Variants in PPP1R13B observed in about 807,000 individuals in gnomAD.
The protein encoded by PPP1R13B is apoptosis-stimulating of p53 protein 1.
In PPP1R13B, 44 loss-of-function variants were observed where a neutral mutation model predicts 119.8. That is an observed-to-expected ratio of 0.37 (90% CI 0.29 to 0.47). The LOEUF is 0.47. Among genes scored for constraint, PPP1R13B ranks in the 20% least tolerant of loss-of-function variants. The pLI, the probability that PPP1R13B is intolerant of heterozygous loss-of-function variation, is 0.99. For synonymous variants in PPP1R13B, 542 were observed against 561.5 expected (o/e 0.97, Z 0.49); for missense variants, 1,227 against 1,413.5 (o/e 0.87, Z 2.12).
chr14:103,765,756 TC>T (rs1432039854), intron 4 of PPP1R13B, among the ~76,000 whole-genome samples: 1 of 152,186 alleles, frequency 6.6e-6, no homozygotes, highest in Non-Finnish European at 1.5e-5. Context: ...CTGAAGTTCT[TC>T]CTGATTCTTT....
At chr14:103,797,051 C>T (rs1434312089) in intron 2 of PPP1R13B, among the ~76,000 whole-genome samples, 3 of 146,662 alleles carry the variant, frequency 2.0e-5, no homozygotes, top group Admixed American at 1.4e-4. Context: ...AGAGACAGCC[C>T]AAACATCTAT....
intron 1 of PPP1R13B, among the ~76,000 whole-genome samples, chr14:103,830,620 T>C (rs966471800): frequency 1.5e-4 from 23 of 152,192 alleles, no homozygotes; most frequent in Non-Finnish European, 4.4e-5. Flanking sequence ...TTTCCAAACA[T>C]ACAAACCAAG....
At position 103,776,168 on chromosome 14, in the gene PPP1R13B, AGGAGGGAG is replaced by A. The variant is rs1234464489; in HGVS notation, c.354+2569_354+2576del. ...AGGAAGGAAGGAAGGGAGGAAGGGA[AGGAGGGAG>A]GGAGGGAGGGAGGAAGGAAGGAAGG... On this transcript the variant is annotated intron_variant, in intron 4 of 16. Transcript: ENST00000202556. Among the ~76,000 whole-genome samples the A allele has an allele frequency of 9.7e-5, 6 of 61,610 alleles. 1 individual carries two copies. In the East Asian group the frequency reaches 1.8e-3, roughly 18 times the overall value. 40.4% of individuals were successfully genotyped at this position (61,610 alleles called of 152,430 possible).
In PPP1R13B at chr14:103,740,154, G is replaced by A. The variant is rs1253315601; in HGVS notation, c.2262C>T (p.Thr754=). The part of the protein sequence containing the change: ...QPSPSQDFMG[T]LADVDNGNTN... ...TGTTTCCATTGTCCACATCGGCCAAGGTGCCCATGAAGTCCTGGGAGGGGC... is the reference window on the plus strand; with the variant it reads ...TGTTTCCATTGTCCACATCGGCCAAAGTGCCCATGAAGTCCTGGGAGGGGC... The change falls in exon 12 of 17, where the codon ACC becomes ACT. Residue 754 remains threonine, a synonymous_variant. Coordinates refer to ENST00000202556, the MANE Select transcript of PPP1R13B (RefSeq NM_015316.3). The surrounding 1 kb of genome is among the most constrained non-coding windows in gnomAD (Gnocchi z 4.6). The A allele has an allele frequency of 1.2e-6, 2 of 1,613,684 alleles. No individual in the cohort carries two copies. Among genetic ancestry groups the A allele is most frequent in the Non-Finnish European group, 1.7e-6 (2 of 1,180,032 alleles).
intron 8 of PPP1R13B, among the ~76,000 whole-genome samples, chr14:103,747,809 A>G (rs2084425807): frequency 6.6e-6 from 1 of 152,176 alleles, no homozygotes; most frequent in South Asian, 2.1e-4. Context: ...ATAGTCTCCA[A>G]TCTGGAAGAG....
chr14:103,739,797 A>G (rs764258504), intron 12 of PPP1R13B, 27 bp downstream of exon 12: 1 of 1,564,736 alleles, frequency 6.4e-7, no homozygotes, highest in African/African-American at 1.4e-5. Context: ...CAGGAAGGCC[A>G]GGCTTTGGTC....
intron 1 of PPP1R13B, among the ~76,000 whole-genome samples, chr14:103,801,326 T>C (rs1011463919): frequency 6.6e-6 from 1 of 152,100 alleles, no homozygotes; most frequent in Non-Finnish European, 1.5e-5. Flanking sequence ...ATATATTTCT[T>C]TTTTCCCTCC....
At chr14:103,838,911 T>C (rs2152085201) in intron 1 of PPP1R13B, among the ~76,000 whole-genome samples, 1 of 152,344 alleles carries the variant, frequency 6.6e-6, no homozygotes, top group East Asian at 1.9e-4. Context: ...TCTGCACTCT[T>C]ACCTGCTACA....
At chr14:103,847,225 G>C in intron 1 of PPP1R13B, 74 bp downstream of exon 1, 1 of 1,085,852 alleles carries the variant, frequency 9.2e-7, no homozygotes, top group Non-Finnish European at 1.1e-6. Context: ...GGGGCTGGGA[G>C]CCGCGGGAGG....
rs965460298 is a variant in PPP1R13B at position 103,741,347 on chromosome 14, T to C, written c.1822+443A>G. ...CAAGGCTTTCCTCCCCTCTGGGCTA[T>C]GGGGGAGGCTCCTACGCAGCAGACG... On this transcript the variant is annotated intron_variant, in intron 11 of 16. Transcript: ENST00000202556. Among the ~76,000 whole-genome samples, 6 of 152,172 alleles carry C rather than the reference T, an allele frequency of 3.9e-5. No individual in the cohort carries two copies. In the East Asian group the frequency reaches 1.2e-3, roughly 29 times the overall value.
At chr14:103,768,991 C>G (rs1479998325) in intron 4 of PPP1R13B, among the ~76,000 whole-genome samples, 1 of 152,158 alleles carries the variant, frequency 6.6e-6, no homozygotes, top group African/African-American at 2.4e-5. Flanking sequence ...GTAATTTAAT[C>G]ATCACAAGAT....
chr14:103,784,770 A>C, intron 3 of PPP1R13B, 25 bp downstream of exon 3: 1 of 1,548,910 alleles, frequency 6.5e-7, no homozygotes, highest in South Asian at 1.2e-5. Context: ...AAAATTAACA[A>C]ATGAGGAAGA....
At chr14:103,801,101 C>A (rs1019927237) in intron 1 of PPP1R13B, among the ~76,000 whole-genome samples, 2 of 152,118 alleles carry the variant, frequency 1.3e-5, no homozygotes, top group Non-Finnish European at 2.9e-5. Flanking sequence ...CTACCCACCT[C>A]GGCCTCCCAA....
At chr14:103,754,001 A>G in intron 6 of PPP1R13B, 69 bp downstream of exon 6, 1 of 1,527,268 alleles carries the variant, frequency 6.5e-7, no homozygotes, top group Non-Finnish European at 8.9e-7. Context: ...ATTGTCAGGC[A>G]GTTAGACTAT....
intron 1 of PPP1R13B, among the ~76,000 whole-genome samples, chr14:103,818,822 T>C (rs2086337444): frequency 6.6e-6 from 1 of 152,228 alleles, no homozygotes; most frequent in Non-Finnish European, 1.5e-5. Context: ...TATGGAATTC[T>C]TACTATATAG....
intron 1 of PPP1R13B, among the ~76,000 whole-genome samples, chr14:103,842,687 G>A (rs1249505047): frequency 1.3e-5 from 2 of 151,690 alleles, no homozygotes; most frequent in African/African-American, 4.8e-5. Flanking sequence ...AAAAGAAAAA[G>A]TATGCTGGCC....
intron 9 of PPP1R13B, among the ~76,000 whole-genome samples, chr14:103,745,954 C>T (rs1237047784): frequency 6.6e-6 from 1 of 152,194 alleles, no homozygotes; most frequent in Non-Finnish European, 1.5e-5. Context: ...TACAGGTGCA[C>T]GCCACCACGC....
At chr14:103,828,616 C>T (rs1362977258) in intron 1 of PPP1R13B, among the ~76,000 whole-genome samples, 1 of 152,086 alleles carries the variant, frequency 6.6e-6, no homozygotes, top group Non-Finnish European at 1.5e-5. Context: ...CACGAGATCC[C>T]ACAGAAGGGC....
intron 1 of PPP1R13B, among the ~76,000 whole-genome samples, chr14:103,829,784 T>C (rs1265402165): frequency 1.3e-5 from 2 of 152,104 alleles, no homozygotes; most frequent in Admixed American, 6.6e-5. Context: ...CTAAATATTT[T>C]ACTATTTTTT....
Sources: allele counts gnomAD v4.1 joint callset (sites outside exome capture counted in the v4.1 genomes callset), GRCh38; gene constraint gnomAD v4.1.1; non-coding constraint Gnocchi (gnomAD v3.1); transcripts MANE v1.5; gene names NCBI Gene and HGNC (gene_info 2026-07-23, HGNC 2026-07-21).